Variants in SMOC2 observed in about 807,000 individuals in gnomAD.
SMOC2 encodes the protein SPARC related modular calcium binding 2, also known as SPARC-related modular calcium-binding protein 2.
Under a neutral mutation model 61.4 loss-of-function variants are expected in SMOC2, and 39 were observed. The observed-to-expected ratio is 0.64, with a 90% CI of 0.49 to 0.83. The LOEUF (loss-of-function observed/expected upper bound fraction) is 0.83. SMOC2 is among the 40% of genes least tolerant of loss of function. The pLI, the probability that SMOC2 is intolerant of heterozygous loss-of-function variation, is 0.00. For synonymous variants in SMOC2, 247 were observed against 239.9 expected (o/e 1.03, Z -0.27); for missense variants, 556 against 592.9 (o/e 0.94, Z 0.65).
intron 1 of SMOC2, among the ~76,000 whole-genome samples, chr6:168,489,443 T>A (rs1385971750): frequency 1.5e-5 from 2 of 134,292 alleles, no homozygotes; most frequent in South Asian, 2.4e-4. Context: ...AGTTTTAGAG[T>A]GAAATATATT....
intron 2 of SMOC2, among the ~76,000 whole-genome samples, chr6:168,524,448 T>C (rs180959278): frequency 6.6e-6 from 1 of 152,326 alleles, no homozygotes; most frequent in East Asian, 1.9e-4. Context: ...ATCTGACCAG[T>C]GGCAAATGTG....
intron 11 of SMOC2, among the ~76,000 whole-genome samples, chr6:168,661,168 TGTATAGTTTACAATA>T (rs1438033812): frequency 1.3e-5 from 2 of 152,196 alleles, no homozygotes; most frequent in South Asian, 2.1e-4. Flanking sequence ...TTTTGTACCC[TGTATAGTTTACAATA>T]GTGAAAAGTC....
Position 168,441,448 on chromosome 6 carries a change from G to A in SMOC2, c.78G>A (p.Ala26=). The A allele has an allele frequency of 6.6e-7, 1 of 1,506,934 alleles. No homozygotes were observed. The highest frequency in any genetic ancestry group is 1.2e-5 in the South Asian group (1 of 80,326). 93.3% of individuals were successfully genotyped at this position (1,506,934 alleles called of 1,614,324 possible). A position where few individuals can be genotyped will look rare whatever the true frequency, so the allele number is the denominator to read the frequency against. The change falls in exon 1 of 13, where the codon GCG becomes GCA. Residue 26 remains alanine, a synonymous_variant. Transcript: ENST00000356284. ...CGGTGCCCGCTCAGAAGTTCTCGGC[G>A]CTCACGGTAAGCCCGGGCCCGCGGG... The part of the protein sequence containing the change: ...LPPVPAQKFS[A]LTFLRVDQDK...
At chr6:168,508,974 A>C (rs187791868) in intron 1 of SMOC2, among the ~76,000 whole-genome samples, 5 of 152,350 alleles carry the variant, frequency 3.3e-5, no homozygotes, top group Non-Finnish European at 7.3e-5. Flanking sequence ...CCTGGAGCAC[A>C]GACGCTTCCT....
At chr6:168,489,750 A>G (rs190370552) in intron 1 of SMOC2, among the ~76,000 whole-genome samples, 33 of 152,042 alleles carry the variant, frequency 2.2e-4, no homozygotes, top group African/African-American at 7.5e-4. Flanking sequence ...AATATATCAA[A>G]TCGTCTGGGT....
chr6:168,650,378 G>A (rs2115272856), intron 9 of SMOC2, among the ~76,000 whole-genome samples: 1 of 152,318 alleles, frequency 6.6e-6, no homozygotes, highest in Admixed American at 6.5e-5. Flanking sequence ...CGGTGCCTCT[G>A]CTGCCACACT....
chr6:168,602,151 T>C (rs1421336356), intron 8 of SMOC2, among the ~76,000 whole-genome samples: 1 of 152,164 alleles, frequency 6.6e-6, no homozygotes, highest in Admixed American at 6.5e-5. Flanking sequence ...CGGTTTACAC[T>C]CTTCCAGGGG....
At chr6:168,457,642 A>T (rs1781616689) in intron 1 of SMOC2, among the ~76,000 whole-genome samples, 1 of 151,940 alleles carries the variant, frequency 6.6e-6, no homozygotes, top group Admixed American at 6.6e-5. Flanking sequence ...CTGGCCTCGC[A>T]CTCGCTGCAG....
chr6:168,558,188 G>A (rs1166874167), intron 7 of SMOC2, among the ~76,000 whole-genome samples: 1 of 152,238 alleles, frequency 6.6e-6, no homozygotes, highest in Non-Finnish European at 1.5e-5. Context: ...GAGAGCGGCT[G>A]TGTCTCCACC....
At chr6:168,509,621 G>A (rs78254333) in intron 1 of SMOC2, among the ~76,000 whole-genome samples, 2,709 of 152,262 alleles carry the variant, frequency 0.018, 42 homozygotes, top group Non-Finnish European at 0.024. Context: ...GACTTTAAGC[G>A]TTGAACTAGG....
At chr6:168,641,852 T>C (rs1293568808) in intron 9 of SMOC2, among the ~76,000 whole-genome samples, 1 of 152,224 alleles carries the variant, frequency 6.6e-6, no homozygotes, top group Admixed American at 6.5e-5. Flanking sequence ...TCAGTGTTAA[T>C]TCATCAAAGC....
At chr6:168,458,290 G>GCT (rs1381048909) in intron 1 of SMOC2, among the ~76,000 whole-genome samples, 1 of 150,772 alleles carries the variant, frequency 6.6e-6, no homozygotes, top group East Asian at 2.0e-4. Context: ...GTCCTGGGAG[G>GCT]GAGACGGTCT....
intron 1 of SMOC2, among the ~76,000 whole-genome samples, chr6:168,486,469 A>G (rs1434431933): frequency 6.6e-6 from 1 of 152,094 alleles, no homozygotes; most frequent in Non-Finnish European, 1.5e-5. Flanking sequence ...GGACTGCACC[A>G]TGTCTTCTCT....
intron 7 of SMOC2, among the ~76,000 whole-genome samples, chr6:168,595,012 C>A (rs1218044685): frequency 9.7e-6 from 1 of 102,618 alleles, no homozygotes; most frequent in African/African-American, 3.5e-5. Flanking sequence ...TAGAGGATCG[C>A]CGAGCTCCTC....
chr6:168,657,161 C>G (rs1449002876), intron 11 of SMOC2, among the ~76,000 whole-genome samples: 2 of 152,266 alleles, frequency 1.3e-5, no homozygotes, highest in African/African-American at 4.8e-5. Context: ...TCTGGCAAGG[C>G]TCATGATCCA....
chr6:168,448,554 T>G (rs1583024052), intron 1 of SMOC2, among the ~76,000 whole-genome samples: 2 of 80,390 alleles, frequency 2.5e-5, no homozygotes, highest in Non-Finnish European at 2.5e-5. Flanking sequence ...AGGACGGAGA[T>G]GGGGAGGAGG....
At chr6:168,625,183 T>A (rs1201727568) in intron 9 of SMOC2, among the ~76,000 whole-genome samples, 1 of 152,212 alleles carries the variant, frequency 6.6e-6, no homozygotes, top group Non-Finnish European at 1.5e-5. Flanking sequence ...CTAGGGCATG[T>A]GGGGCACGTG....
At chr6:168,614,382 CATACCTACAGCCAGCACAGGGCCTCTTT>C (rs1785990581) in intron 9 of SMOC2, among the ~76,000 whole-genome samples, 3 of 86,592 alleles carry the variant, frequency 3.5e-5, no homozygotes, top group South Asian at 4.7e-4. Context: ...AGGGCCTCTT[CATACCTACAGCCAGCACAGGGCCTCTTT>C]ATACCTACAG....
At chr6:168,516,495 C>T (rs1022468999) in intron 2 of SMOC2, among the ~76,000 whole-genome samples, 2 of 152,056 alleles carry the variant, frequency 1.3e-5, no homozygotes, top group Non-Finnish European at 2.9e-5. Context: ...TCTGAACGGG[C>T]GAGTCTCAGT....
Sources: gnomAD v4.1 joint callset for allele counts (sites outside exome capture counted in the v4.1 genomes callset) on GRCh38, gnomAD v4.1.1 for gene constraint, MANE v1.5 for transcripts, NCBI Gene and HGNC (gene_info 2026-07-23, HGNC 2026-07-21) for gene names.